Variants in BTBD17 observed in about 807,000 individuals in gnomAD.
BTBD17 encodes the protein BTB domain containing 17, also known as BTB/POZ domain-containing protein 17.
In BTBD17, 26 loss-of-function variants were observed where a neutral mutation model predicts 36.9. The ratio of observed to expected loss-of-function variants is 0.70; its 90% CI spans 0.52 to 0.98. The LOEUF (loss-of-function observed/expected upper bound fraction) is 0.98, where lower values mean the gene tolerates loss of function less well. BTBD17 is among the 50% of genes least tolerant of loss of function. BTBD17 has a pLI of 0.00. For missense variants in BTBD17, 630 were observed against 691.3 expected (o/e 0.91, Z 0.99); for synonymous variants, 341 against 338.0 (o/e 1.01, Z -0.10).
Position 74,357,683 on chromosome 17 carries a change from G to A in BTBD17, c.411C>T (p.Pro137=). 2 of 1,548,952 alleles carry A rather than the reference G, an allele frequency of 1.3e-6. No homozygotes were observed. Among genetic ancestry groups the A allele is most frequent in the East Asian group, 2.4e-5 (1 of 41,156 alleles). ...ELTVLLTQAI[P]LHRLATKYGV... ...CGTACTTGGTGGCCAGTCTGTGCAG[G>A]GGGATGGCCTGGGTCAGCAGCACGG... The change falls in exon 3 of 3, where the codon CCC becomes CCT. Residue 137 remains proline (P), a synonymous_variant. Coordinates refer to ENST00000375366, the MANE Select transcript of BTBD17 (RefSeq NM_001080466.2). The surrounding 1 kb of genome is among the most constrained non-coding windows in gnomAD (Gnocchi z 8.4).
chr17:74,362,758 A>G (rs987348895), upstream of BTBD17, among the ~76,000 whole-genome samples: 2 of 152,180 alleles, frequency 1.3e-5, no homozygotes, highest in Admixed American at 1.3e-4. Flanking sequence ...TTGTTTTACC[A>G]GCTTCTGTCT....
In BTBD17 at chr17:74,357,494, C is replaced by G. The variant is rs775024021; in HGVS notation, c.600G>C (p.Ala200=). 165 of 1,567,680 alleles carry G rather than the reference C, an allele frequency of 1.1e-4. No homozygotes were observed. Among genetic ancestry groups the G allele is most frequent in the Non-Finnish European group, 1.3e-4 (154 of 1,165,296 alleles). The change falls in exon 3 of 3, where the codon GCG becomes GCC. Residue 200 remains alanine (A), a synonymous_variant. Transcript: ENST00000375366. This position sits in a 1 kb window ranked among gnomAD's most constrained non-coding sequence, Gnocchi z 8.4. ...TCACGGCGCCCCACTCGGTGCTGGC[C>G]GCCACGGCCGACAGGTTCCAGGCCA... ...QFLAWNLSAV[A]ASTEWGAVSP...
rs2054890086 is a variant in BTBD17 at position 74,356,589 on chromosome 17, G to A, written c.*68C>T. 1.5e-6 allele frequency: 2 copies of A among 1,374,566 alleles called. No homozygotes were observed. The highest frequency in any genetic ancestry group is 2.0e-5 in the South Asian group (1 of 50,288). The allele number at this position is 1,374,566 out of a possible 1,614,324, so 85.1% of individuals were successfully genotyped here. A position where few individuals can be genotyped will look rare whatever the true frequency, so the allele number is the denominator to read the frequency against. On this transcript the variant is annotated 3_prime_UTR_variant, in exon 3 of 3. Coordinates refer to ENST00000375366, the MANE Select transcript of BTBD17 (RefSeq NM_001080466.2). This position sits in a 1 kb window ranked among gnomAD's most constrained non-coding sequence, Gnocchi z 4.3. ...GGGACCAGGCTTGTTGCCACCTCCA[G>A]GCTCGCCTTGCCCTTCCCAGACCCA...
rs1322266940 is a variant in BTBD17 at position 74,356,897 on chromosome 17, G to T, written c.1197C>A (p.Ser399Arg). ...GRPRLVVTPA[S>R]SGGDAAGVSF... ...TCACGCCCGCCGCGTCGCCGCCGCT[G>T]CTGGCCGGCGTCACCACCAGCCGCG... is the stretch of plus-strand genomic sequence containing the variant. Residue 399 changes from serine (S) to arginine (R), a missense_variant, in exon 3 of 3, where the codon AGC becomes AGA. Coordinates refer to ENST00000375366, the MANE Select transcript of BTBD17 (RefSeq NM_001080466.2). The surrounding 1 kb of genome is among the most constrained non-coding windows in gnomAD (Gnocchi z 4.3). The T allele has an allele frequency of 2.7e-6, 4 of 1,467,824 alleles. No individual in the cohort carries two copies. Among genetic ancestry groups the T allele is most frequent in the South Asian group, 1.3e-5 (1 of 75,114 alleles). 90.9% of individuals were successfully genotyped at this position (1,467,824 alleles called of 1,614,324 possible). A position where few individuals can be genotyped will look rare whatever the true frequency, so the allele number is the denominator to read the frequency against.
upstream of BTBD17, among the ~76,000 whole-genome samples, chr17:74,362,573 C>A (rs1190867396): frequency 6.6e-6 from 1 of 152,194 alleles, no homozygotes; most frequent in African/African-American, 2.4e-5. Flanking sequence ...AGAGCAGATG[C>A]ACCCTGCCCC....
In BTBD17 at chr17:74,361,722, A is replaced by G; in HGVS notation, c.85+13T>C. ...CTCCACCCTGCCCCGCACCTGGCCC[A>G]CTGCCCGCTCACCTGCATGGGTGAC... On this transcript the variant is annotated intron_variant, in intron 1 of 2. Transcript: ENST00000375366. 1 of 1,610,034 alleles carries G rather than the reference A, an allele frequency of 6.2e-7. No homozygotes were observed. The highest frequency in any genetic ancestry group is 8.5e-7 in the Non-Finnish European group (1 of 1,177,682).
rs1372639890 is a variant in BTBD17, at chr17:74,358,212, G to A, written c.363-481C>T. Among the ~76,000 whole-genome samples the A allele has an allele frequency of 3.3e-5, 5 of 152,168 alleles. No homozygotes were observed. The East Asian group carries it at 9.7e-4, about 30-fold the overall frequency. ...TAAAGAATCTTGCTACAGGCCAGGT[G>A]GGTGCTAGTGGCTCACACCTGGAAT... On this transcript the variant is annotated intron_variant, in intron 2 of 2. Coordinates refer to ENST00000375366, the MANE Select transcript of BTBD17 (RefSeq NM_001080466.2).
rs375437447 is a variant in BTBD17, at chr17:74,358,003, G to A, written c.363-272C>T. ...TCTACTAGGCGTGCAGCCCTAGGCT[G>A]GAACAAAACAGACGTGGCTCCTGCC... On this transcript the variant is annotated intron_variant, in intron 2 of 2. Transcript: ENST00000375366. Among the ~76,000 whole-genome samples, 26 of 152,332 alleles carry A rather than the reference G, an allele frequency of 1.7e-4. No homozygotes were observed. In the South Asian group the frequency reaches 2.7e-3, roughly 16 times the overall value.
Position 74,357,746 on chromosome 17 carries a change from G to T in BTBD17, c.363-15C>A. On this transcript the variant is annotated splice_polypyrimidine_tract_variant and intron_variant, in intron 2 of 2. Coordinates refer to ENST00000375366, the MANE Select transcript of BTBD17 (RefSeq NM_001080466.2). The surrounding 1 kb of genome is among the most constrained non-coding windows in gnomAD (Gnocchi z 8.4). The stretch of plus-strand genomic sequence containing the variant: ...AGTACAGGTACCTGCGGGAGAGACC[G>T]AGAGGTGGGGCGGGGTCAGGGCGGT... 6.6e-7 allele frequency: 1 copy of T among 1,519,220 alleles called. No individual in the cohort carries two copies. 94.1% of individuals were successfully genotyped at this position (1,519,220 alleles called of 1,614,324 possible). A position where few individuals can be genotyped will look rare whatever the true frequency, so the allele number is the denominator to read the frequency against.
Position 74,357,693 on chromosome 17 carries a change from T to C in BTBD17, c.401A>G (p.Gln134Arg). ...YCGELTVLLT[Q>R]AIPLHRLATK... ...GGCCAGTCTGTGCAGGGGGATGGCC[T>C]GGGTCAGCAGCACGGTCAGCTCCCC... The change falls in exon 3 of 3, where the codon CAG (glutamine) becomes CGG (arginine). Residue 134 changes from glutamine (Q) to arginine (R), a missense_variant. Transcript: ENST00000375366. The surrounding 1 kb of genome is among the most constrained non-coding windows in gnomAD (Gnocchi z 8.4). 2 of 1,547,394 alleles carry C rather than the reference T, an allele frequency of 1.3e-6. No individual in the cohort carries two copies. Among genetic ancestry groups the C allele is most frequent in the South Asian group, 2.4e-5 (2 of 84,040 alleles).
At position 74,361,754 on chromosome 17, in the gene BTBD17, C is replaced by G. The variant is rs768761556; in HGVS notation, c.66G>C (p.Val22=). The G allele has an allele frequency of 2.5e-6, 4 of 1,613,820 alleles. No individual in the cohort carries two copies. In the East Asian group the frequency reaches 8.9e-5, roughly 36 times the overall value. ...GCTCACCTGCATGGGTGACCAGGCC[C>G]ACCAAGGTCAGCATGGCCCAGAAGC... ...WGSFWAMLTL[V]GLVTHAAQRA... is the part of the protein sequence containing the mutation. Residue 22 remains valine (V), a synonymous_variant, in exon 1 of 3, where the codon GTG becomes GTC. Transcript: ENST00000375366.
At chr17:74,358,229 A>G (rs2054912052) in intron 2 of BTBD17, among the ~76,000 whole-genome samples, 1 of 152,064 alleles carries the variant, frequency 6.6e-6, no homozygotes, top group Non-Finnish European at 1.5e-5. Flanking sequence ...AGTGGCTCAC[A>G]CCTGGAATCT....
At position 74,359,949 on chromosome 17, in the gene BTBD17, C is replaced by T; in HGVS notation, c.362+20G>A. On this transcript the variant is annotated intron_variant, in intron 2 of 2. Transcript: ENST00000375366. ...GCTGAGGAAGGGATGAAGCCATCCCCTAGTCTTCCGCGTCCCCACCTGATG... is the reference window on the plus strand; with the variant it reads ...GCTGAGGAAGGGATGAAGCCATCCCTTAGTCTTCCGCGTCCCCACCTGATG... The T allele has an allele frequency of 6.3e-7, 1 of 1,597,578 alleles. No individual in the cohort carries two copies. The highest frequency in any genetic ancestry group is 1.1e-5 in the South Asian group (1 of 90,284).
Position 74,357,434 on chromosome 17 carries a change from C to A in BTBD17, c.660G>T (p.Ser220=). 1 of 1,584,238 alleles carries A rather than the reference C, an allele frequency of 6.3e-7. No homozygotes were observed. The highest frequency in any genetic ancestry group is 2.3e-5 in the East Asian group (1 of 43,946). Residue 220 remains serine (S), a synonymous_variant, in exon 3 of 3, where the codon TCG becomes TCT. Coordinates refer to ENST00000375366, the MANE Select transcript of BTBD17 (RefSeq NM_001080466.2). This position sits in a 1 kb window ranked among gnomAD's most constrained non-coding sequence, Gnocchi z 8.4. ...PELLWQLLQR[S]DLVLQDELEL... ...CCAGTTCATCCTGCAGCACCAGGTCCGAGCGTTGCAGGAGCTGCCAGAGCA... is the reference window on the plus strand; with the variant it reads ...CCAGTTCATCCTGCAGCACCAGGTCAGAGCGTTGCAGGAGCTGCCAGAGCA...
rs765761976 is a variant in BTBD17 at position 74,357,201 on chromosome 17, A to G, written c.893T>C (p.Leu298Pro). The change falls in exon 3 of 3, where the codon CTG becomes CCG. Residue 298 changes from leucine to proline, a missense_variant. Coordinates refer to ENST00000375366, the MANE Select transcript of BTBD17 (RefSeq NM_001080466.2). The surrounding 1 kb of genome is among the most constrained non-coding windows in gnomAD (Gnocchi z 8.4). ...QAYQFHAASP[L>P]HYAKFFDVNG... is the part of the protein sequence containing the mutation. ...GACGTCGAAGAACTTGGCGTAGTGC[A>G]GCGGCGACGCGGCGTGGAACTGGTA... The G allele has an allele frequency of 1.9e-6, 3 of 1,574,304 alleles. No individual in the cohort carries two copies. The highest frequency in any genetic ancestry group is 1.4e-5 in the African/African-American group (1 of 70,850).
rs1206738215 is a variant in BTBD17 at position 74,357,360 on chromosome 17, G to T, written c.734C>A (p.Pro245His). The T allele has an allele frequency of 6.4e-7, 1 of 1,550,500 alleles. No individual in the cohort carries two copies. Among genetic ancestry groups the T allele is most frequent in the African/African-American group, 1.4e-5 (1 of 72,402 alleles). Residue 245 changes from proline to histidine, a missense_variant, in exon 3 of 3, where the codon CCT becomes CAT. Pro to His is a moderately conservative substitution (Grantham distance 77, BLOSUM62 -2). Coordinates refer to ENST00000375366, the MANE Select transcript of BTBD17 (RefSeq NM_001080466.2). The surrounding 1 kb of genome is among the most constrained non-coding windows in gnomAD (Gnocchi z 8.4). ...GCGCAGCGCCCGCTCGGCCACGGCA[G>T]GGGGCGGCCGCGCGCGACCCAGCCA... is the stretch of plus-strand genomic sequence containing the variant. ...EAWLGRARPP[P>H]AVAERALRAI...
chr17:74,361,917 G>A (rs183373256), upstream of BTBD17: 653 of 962,524 alleles, frequency 6.8e-4, 3 homozygotes, highest in African/African-American at 9.2e-3. Flanking sequence ...ACAAGGGGAC[G>A]GCACCCCCCT....
rs753596461 is a variant in BTBD17, at chr17:74,356,749, G to A, written c.1345C>T (p.Arg449Trp). ...TCAACCAGGTACTCGGAGTTGCGCC[G>A]CTGCAGGTCGGCGTGCGCCAGGAAG... ...GDFLAHADLQ[R>W]RNSEYLVENA... Residue 449 changes from arginine (R) to tryptophan (W), a missense_variant, in exon 3 of 3, where the codon CGG (arginine) becomes TGG (tryptophan). Arg to Trp is a moderately radical substitution (Grantham distance 101). Transcript: ENST00000375366. This position sits in a 1 kb window ranked among gnomAD's most constrained non-coding sequence, Gnocchi z 4.3. 1.2e-6 allele frequency: 2 copies of A among 1,600,910 alleles called. No individual in the cohort carries two copies. The highest frequency in any genetic ancestry group is 2.3e-5 in the South Asian group (2 of 88,464).
At chr17:74,359,858 G>A in intron 2 of BTBD17, 111 bp downstream of exon 2, 1 of 1,088,108 alleles carries the variant, frequency 9.2e-7, no homozygotes, top group Non-Finnish European at 1.3e-6. Flanking sequence ...GTGATGTCCG[G>A]GGAAATGGAC....
Sources: allele counts gnomAD v4.1 joint callset (sites outside exome capture counted in the v4.1 genomes callset), GRCh38; gene constraint gnomAD v4.1.1; non-coding constraint Gnocchi (gnomAD v3.1); transcripts MANE v1.5; gene names NCBI Gene and HGNC (gene_info 2026-07-23, HGNC 2026-07-21).